CHP1: variants seen among roughly 807,000 people sequenced by gnomAD.
The protein encoded by CHP1 is calcineurin like EF-hand protein 1.
In CHP1, 11 loss-of-function variants were observed where a neutral mutation model predicts 27.4. That is an observed-to-expected ratio of 0.40 (90% CI 0.25 to 0.67). CHP1 has a LOEUF of 0.67. Ranked by LOEUF, CHP1 falls within the 30% of genes least tolerant of loss-of-function variation. The probability of loss-of-function intolerance (pLI) is 0.38; values close to 1 mark genes in which losing one functional copy is unlikely to be tolerated. For missense variants in CHP1, 169 were observed against 251.3 expected (o/e 0.67, Z 2.22); for synonymous variants, 89 against 87.4 (o/e 1.02, Z -0.10).
chr15:41,232,578 G>T (rs1219310866), intron 1 of CHP1, among the ~76,000 whole-genome samples: 3 of 151,984 alleles, frequency 2.0e-5, no homozygotes, highest in African/African-American at 7.2e-5. Flanking sequence ...AAAAGGACTC[G>T]GGATTCTGAA....
intron 3 of CHP1, among the ~76,000 whole-genome samples, chr15:41,260,897 T>C (rs1318074600): frequency 2.0e-5 from 3 of 151,960 alleles, no homozygotes; most frequent in Non-Finnish European, 4.4e-5. Context: ...TGCATTCATA[T>C]ATATATGAGG....
chr15:41,244,071 G>A (rs955430724), intron 2 of CHP1, among the ~76,000 whole-genome samples: 6 of 151,820 alleles, frequency 4.0e-5, no homozygotes, highest in Non-Finnish European at 7.4e-5. Context: ...GGTGGTAGGC[G>A]CCTGTAATCC....
chr15:41,257,016 C>T (rs750412007), intron 3 of CHP1, 26 bp downstream of exon 3: 2 of 1,563,452 alleles, frequency 1.3e-6, no homozygotes, highest in East Asian at 2.2e-5. Context: ...TGTTGGACTT[C>T]CTTCCTGAGG....
intron 2 of CHP1, among the ~76,000 whole-genome samples, chr15:41,247,043 T>G (rs1028334276): frequency 6.6e-6 from 1 of 150,836 alleles, no homozygotes; most frequent in Non-Finnish European, 1.5e-5. Context: ...TTGAAAACTT[T>G]CCAGGCGTCA....
At chr15:41,247,778 G>T (rs1392990074) in intron 2 of CHP1, among the ~76,000 whole-genome samples, 1 of 151,712 alleles carries the variant, frequency 6.6e-6, no homozygotes, top group Admixed American at 6.6e-5. Context: ...GACCAACCTG[G>T]CTAACACAGT....
intron 2 of CHP1, among the ~76,000 whole-genome samples, chr15:41,244,467 T>A (rs1358796268): frequency 6.6e-6 from 1 of 152,170 alleles, no homozygotes; most frequent in Non-Finnish European, 1.5e-5. Context: ...TCACTTTATG[T>A]ATATTAATGT....
At chr15:41,265,007 G>A (rs1435945671) in intron 4 of CHP1, among the ~76,000 whole-genome samples, 1 of 152,090 alleles carries the variant, frequency 6.6e-6, no homozygotes, top group Admixed American at 6.6e-5. Flanking sequence ...TGTAGACTGA[G>A]AGCAATTGAA....
intron 1 of CHP1, among the ~76,000 whole-genome samples, chr15:41,242,453 A>G (rs2047311496): frequency 6.6e-6 from 1 of 152,116 alleles, no homozygotes; most frequent in Admixed American, 6.6e-5. Context: ...ATATTTTTTC[A>G]ATCAAAACAT....
At chr15:41,243,622 T>A (rs2047318139) in intron 1 of CHP1, 45 bp from the exon 2 acceptor site, 2 of 1,555,340 alleles carry the variant, frequency 1.3e-6, no homozygotes, top group African/African-American at 1.4e-5. Context: ...TCAGTGTGAA[T>A]GAGGGCTACT....
chr15:41,244,026 C>T (rs779241510), intron 2 of CHP1, among the ~76,000 whole-genome samples: 3 of 151,948 alleles, frequency 2.0e-5, no homozygotes, highest in Non-Finnish European at 4.4e-5. Context: ...GGTGAAACCC[C>T]GTCTCTACTA....
At position 41,270,007 on chromosome 15, in the gene CHP1, AG is replaced by A. The variant is rs550900379; in HGVS notation, c.350-549del. ...TAGTTTCTAGAAGGCTTAAAGAGAA[AG>A]AAACATGATAAAGCCAGGAGACCAT... is the stretch of plus-strand genomic sequence containing the variant. On this transcript the variant is annotated intron_variant, in intron 4 of 6. Transcript: ENST00000334660. 6.0e-3 allele frequency among the ~76,000 whole-genome samples: 919 copies of A among 152,320 alleles called. 7 individuals are homozygous for A. The highest frequency in any genetic ancestry group is 0.011 in the Non-Finnish European group (737 of 68,036).
At chr15:41,264,629 G>A (rs1426644182) in intron 4 of CHP1, among the ~76,000 whole-genome samples, 1 of 152,152 alleles carries the variant, frequency 6.6e-6, no homozygotes, top group South Asian at 2.1e-4. Context: ...ATTTTTTGTA[G>A]GGACAGGGTC....
At chr15:41,235,561 A>G (rs2047272715) in intron 1 of CHP1, among the ~76,000 whole-genome samples, 1 of 152,162 alleles carries the variant, frequency 6.6e-6, no homozygotes, top group African/African-American at 2.4e-5. Flanking sequence ...AAACACCTTG[A>G]TAAACAATTC....
At chr15:41,263,898 C>A (rs886296587) in intron 4 of CHP1, among the ~76,000 whole-genome samples, 1 of 152,090 alleles carries the variant, frequency 6.6e-6, no homozygotes, top group Non-Finnish European at 1.5e-5. Context: ...AAAACAAAAT[C>A]TTCGAAATAG....
intron 5 of CHP1, among the ~76,000 whole-genome samples, chr15:41,276,290 G>C (rs1365290735): frequency 6.6e-6 from 1 of 151,970 alleles, no homozygotes; most frequent in Non-Finnish European, 1.5e-5. Context: ...GGGAGTAAAG[G>C]AGTGGAGGAA....
rs1050038799 is a variant in CHP1 at position 41,276,374 on chromosome 15, C to T, written c.412-2393C>T. ...AAGCTCAGTTCTTGCCATCTGAAGA[C>T]AGAGGTGGCTGACTGCAATAATAAT... On this transcript the variant is annotated intron_variant, in intron 5 of 6. Coordinates refer to ENST00000334660, the MANE Select transcript of CHP1 (RefSeq NM_007236.5). Among the ~76,000 whole-genome samples the T allele has an allele frequency of 2.6e-5, 4 of 152,122 alleles. No homozygotes were observed. The South Asian group carries it at 8.3e-4, about 31-fold the overall frequency.
chr15:41,253,612 G>A lies in CHP1; in HGVS notation c.141-3298G>A, dbSNP rs906764149. Among the ~76,000 whole-genome samples, 108 of 151,372 alleles carry A rather than the reference G, an allele frequency of 7.1e-4. 2 individuals are homozygous for A. The highest frequency in any genetic ancestry group is 1.2e-4 in the Non-Finnish European group (8 of 67,822). On this transcript the variant is annotated intron_variant, in intron 2 of 6. Coordinates refer to ENST00000334660, the MANE Select transcript of CHP1 (RefSeq NM_007236.5). The stretch of plus-strand genomic sequence containing the variant: ...TGGGACTACAGGTGCCCGTCACCAC[G>A]CCTAGCTAATTTTTTGTTTTTTTAG...
chr15:41,249,012 T>G (rs1050597335), intron 2 of CHP1, among the ~76,000 whole-genome samples: 4 of 152,110 alleles, frequency 2.6e-5, no homozygotes, highest in African/African-American at 9.7e-5. Context: ...TAGAAATGAG[T>G]TGGCCTAACT....
chr15:41,278,342 A>AAG (rs1453941894), intron 5 of CHP1, among the ~76,000 whole-genome samples: 1 of 151,890 alleles, frequency 6.6e-6, no homozygotes, highest in East Asian at 1.9e-4. Flanking sequence ...CAAAAAAAAA[A>AAG]AAAAAAAAGG....
Sources: allele counts gnomAD v4.1 joint callset (sites outside exome capture counted in the v4.1 genomes callset), GRCh38; gene constraint gnomAD v4.1.1; transcripts MANE v1.5; gene names NCBI Gene and HGNC (gene_info 2026-07-23, HGNC 2026-07-21).